CAPN12: variants seen among roughly 807,000 people sequenced by gnomAD.
CAPN12 encodes calpain-12.
CAPN12 carries 107 observed loss-of-function variants against 95.0 expected under a neutral mutation model. The ratio of observed to expected loss-of-function variants is 1.13; its 90% CI spans 0.96 to 1.32. The LOEUF is 1.32. Ranked by LOEUF, CAPN12 falls within the 40% of genes most tolerant of loss-of-function variation. The pLI is 0.00. For synonymous variants in CAPN12, 505 were observed against 415.5 expected, an observed-to-expected ratio of 1.22 and a Z score of -2.62; for missense variants, 1,136 against 997.8, an observed-to-expected ratio of 1.14 and a Z score of -1.87.
chr19:38,734,687 G>A (rs947040532), intron 15 of CAPN12, 126 bp downstream of exon 15: 7 of 837,534 alleles, frequency 8.4e-6, no homozygotes, highest in African/African-American at 1.7e-5. Context: ...CTGCCAGGCT[G>A]AGCCCTGGCT....
Position 38,740,142 on chromosome 19 carries a change from T to C in CAPN12, c.638A>G (p.Glu213Gly), listed in dbSNP as rs1477597530. 6.2e-7 allele frequency: 1 copy of C among 1,613,640 alleles called. No homozygotes were observed. The highest frequency in any genetic ancestry group is 1.7e-5 in the Admixed American group (1 of 59,970). The part of the protein sequence containing the change: ...AFVDFTGGVG[E>G]VLYLRQNSMG... The stretch of plus-strand genomic sequence containing the variant: ...GCTGTTTTGTCTCAGATAGAGCACC[T>C]CGCCCACGCCGCCTGTGAAATCCAC... Residue 213 changes from glutamate to glycine, a missense_variant, in exon 5 of 21, where the codon GAG becomes GGG. Glu to Gly is a moderately conservative substitution (Grantham distance 98). Coordinates refer to ENST00000328867, the MANE Select transcript of CAPN12 (RefSeq NM_144691.4).
chr19:38,733,475 C>A, intron 18 of CAPN12: 2 of 518,610 alleles, frequency 3.9e-6, no homozygotes, highest in Non-Finnish European at 6.8e-6. Context: ...CCAGGCACAT[C>A]CCCCTTTCAT....
Position 38,733,685 on chromosome 19 carries a change from C to A in CAPN12, c.1957+18G>T. The A allele has an allele frequency of 6.2e-7, 1 of 1,611,310 alleles. No homozygotes were observed. The highest frequency in any genetic ancestry group is 8.5e-7 in the Non-Finnish European group (1 of 1,178,206). On this transcript the variant is annotated intron_variant, in intron 18 of 20. Coordinates refer to ENST00000328867, the MANE Select transcript of CAPN12 (RefSeq NM_144691.4). ...AACAGGTCCTGTCCCCACGACCACC[C>A]CAGGACCCTGTCCACACCTGCTGCA...
At chr19:38,736,669 G>A (rs1970196064) in intron 10 of CAPN12, 106 bp from the exon 11 acceptor site, 14 of 1,342,292 alleles carry the variant, frequency 1.0e-5, no homozygotes, top group African/African-American at 2.9e-5. Flanking sequence ...CTCCTTCTTC[G>A]TCCTATTAGA....
chr19:38,731,495 A>G, intron 18 of CAPN12: 1 of 516,680 alleles, frequency 1.9e-6, no homozygotes, highest in Non-Finnish European at 3.5e-6. Context: ...ATGTGTGGGT[A>G]CTGTTACTCC....
intron 18 of CAPN12, among the ~76,000 whole-genome samples, chr19:38,732,156 C>T (rs1969667661): frequency 6.6e-6 from 1 of 151,726 alleles, no homozygotes; most frequent in African/African-American, 2.4e-5. Context: ...TGGCATGTAA[C>T]AGGCACTCAC....
chr19:38,733,991 T>G (rs1599887916), intron 17 of CAPN12, 151 bp downstream of exon 17: 4 of 871,494 alleles, frequency 4.6e-6, no homozygotes, highest in Admixed American at 2.6e-5. Flanking sequence ...TGAGGCTGGG[T>G]GGGGGCAGGG....
At chr19:38,738,957 C>A (rs200351302) in intron 5 of CAPN12, 1 of 439,764 alleles carries the variant, frequency 2.3e-6, no homozygotes, top group Non-Finnish European at 4.2e-6. Flanking sequence ...CATAGCAAGA[C>A]CCCAAGTCTA....
rs748628093 is a variant in CAPN12 at position 38,738,281 on chromosome 19, G to A, written c.957C>T (p.Gly319=). The change falls in exon 8 of 21, where the codon GGC becomes GGT. Residue 319 remains glycine, a synonymous_variant. Coordinates refer to ENST00000328867, the MANE Select transcript of CAPN12 (RefSeq NM_144691.4). ...GACCCTGACGAACTGACCAGAACTC[G>A]CCATCCTCCTTTTTCACCAGCAGGG... ...RDALLVKKED[G]EFWMELRDFL... is the part of the protein sequence containing the mutation. 2.7e-5 allele frequency: 44 copies of A among 1,611,922 alleles called. No individual in the cohort carries two copies. Among genetic ancestry groups the A allele is most frequent in the African/African-American group, 5.3e-5 (4 of 74,952 alleles).
At chr19:38,733,486 G>C in intron 18 of CAPN12, 2 of 499,060 alleles carry the variant, frequency 4.0e-6, no homozygotes, top group South Asian at 3.1e-5. Context: ...CCCCTTTCAT[G>C]TCCTCCCCAC....
chr19:38,735,483 C>T lies in CAPN12; in HGVS notation c.1626+19G>A. ...CCAAGATCCCCGCCCCATGCCGCCC[C>T]TCCAGGAACAGTCCCCACCTGGAGA... On this transcript the variant is annotated intron_variant, in intron 13 of 20. Transcript: ENST00000328867. The T allele has an allele frequency of 1.9e-6, 3 of 1,611,262 alleles. No individual in the cohort carries two copies. Among genetic ancestry groups the T allele is most frequent in the Non-Finnish European group, 2.5e-6 (3 of 1,179,468 alleles).
chr19:38,734,784 T>TC (rs764818791), intron 15 of CAPN12, 29 bp downstream of exon 15: 30 of 1,606,168 alleles, frequency 1.9e-5, no homozygotes, highest in Admixed American at 1.7e-5. Context: ...CTAAGACCCC[T>TC]CCTCCTGCCC....
rs559687560 is a variant in CAPN12, at chr19:38,734,757, G to A, written c.1744+56C>T. The A allele has an allele frequency of 5.2e-5, 80 of 1,541,430 alleles. No individual in the cohort carries two copies. In the South Asian group the frequency reaches 8.7e-4, roughly 17 times the overall value. On this transcript the variant is annotated intron_variant, in intron 15 of 20. Coordinates refer to ENST00000328867, the MANE Select transcript of CAPN12 (RefSeq NM_144691.4). ...ATAGACATAGGGTGGCACCGGCTCT[G>A]GTTGCAGGACCCCTGGCTAAGACCC... is the stretch of plus-strand genomic sequence containing the variant.
chr19:38,738,995 G>A, intron 5 of CAPN12: 1 of 356,192 alleles, frequency 2.8e-6, no homozygotes, highest in South Asian at 2.5e-5. Context: ...CAACAGGCGT[G>A]GTGGTGCACA....
chr19:38,740,255 G>A (rs1264258453), intron 4 of CAPN12, 36 bp from the exon 5 acceptor site: 1 of 1,542,002 alleles, frequency 6.5e-7, no homozygotes, highest in South Asian at 1.2e-5. Flanking sequence ...GTTGAGGCAA[G>A]TACAAGCGTC....
At position 38,741,810 on chromosome 19, in the gene CAPN12, A is replaced by G. The variant is rs1439636888; in HGVS notation, c.527T>C (p.Phe176Ser). Residue 176 changes from phenylalanine to serine, a missense_variant, in exon 4 of 21, where the codon TTC (phenylalanine) becomes TCC (serine). Transcript: ENST00000328867. ...GGCCTTCTCCAGGAGTGGGGCCCAG[A>G]ACTCATTCCGCTGTTCCGAGCGCAC... ...MFVRSEQRNE[F>S]WAPLLEKAYA... is the part of the protein sequence containing the mutation. 2.5e-6 allele frequency: 4 copies of G among 1,614,104 alleles called. No individual in the cohort carries two copies. Among genetic ancestry groups the G allele is most frequent in the Non-Finnish European group, 3.4e-6 (4 of 1,180,048 alleles).
rs111304778 is a variant in CAPN12 at position 38,737,745 on chromosome 19, T to C, written c.966-107A>G. On this transcript the variant is annotated intron_variant, in intron 8 of 20. Coordinates refer to ENST00000328867, the MANE Select transcript of CAPN12 (RefSeq NM_144691.4). Reference sequence around the variant, plus strand: ...AGCCCCTCACATTTCTTAAATATTGTCAAATACCCTTCAGGCTCCAGAAAT... The same window carrying C: ...AGCCCCTCACATTTCTTAAATATTGCCAAATACCCTTCAGGCTCCAGAAAT... The C allele has an allele frequency of 3.0e-3, 4,017 of 1,353,846 alleles. 74 individuals are homozygous for C. The East Asian group carries it at 0.039, about 13-fold the overall frequency. 83.9% of individuals were successfully genotyped at this position (1,353,846 alleles called of 1,614,324 possible).
rs1280005787 is a variant in CAPN12, at chr19:38,744,151, A to G, written c.15T>C (p.Ser5=). Residue 5 remains serine, a synonymous_variant, in exon 1 of 21, where the codon AGT becomes AGC. Transcript: ENST00000328867. ...CCACGAGCTGGATGGTGACCCTCCC[A>G]CTGCTGGATGCCATCTGGACACTGG... The part of the protein sequence containing the change: MASS[S]GRVTIQLVDE... 15 of 1,613,578 alleles carry G rather than the reference A, an allele frequency of 9.3e-6. No homozygotes were observed. The highest frequency in any genetic ancestry group is 1.3e-5 in the Non-Finnish European group (15 of 1,179,972).
rs78574604 is a variant in CAPN12 at position 38,737,255 on chromosome 19, C to T, written c.1263G>A (p.Thr421=). Residue 421 remains threonine (T), a synonymous_variant, in exon 10 of 21, where the codon ACG becomes ACA. Transcript: ENST00000328867. ...GGGACAGAAGGACCGTGCACTTGGGCGTGCGGCCCCCCCGCGCTGGGCCCC... is the reference window on the plus strand; with the variant it reads ...GGGACAGAAGGACCGTGCACTTGGGTGTGCGGCCCCCCCGCGCTGGGCCCC... ...GARGPARGGR[T]PKCTVLLSLI... The T allele has an allele frequency of 2.8e-3, 4,315 of 1,550,230 alleles. 179 individuals are homozygous for T. The East Asian group carries it at 0.094, about 34-fold the overall frequency.
Sources: allele counts gnomAD v4.1 joint callset (sites outside exome capture counted in the v4.1 genomes callset), GRCh38; gene constraint gnomAD v4.1.1; transcripts MANE v1.5; gene names NCBI Gene and HGNC (gene_info 2026-07-23, HGNC 2026-07-21).